The following EPB41 variants were observed in gnomAD, a reference collection of about 807,000 sequenced individuals.
EPB41 encodes the protein protein 4.1.
A neutral mutation model predicts 108.0 loss-of-function variants in EPB41; 65 were observed. The ratio of observed to expected loss-of-function variants is 0.60; its 90% confidence interval spans 0.49 to 0.74. The LOEUF (loss-of-function observed/expected upper bound fraction) is 0.74, where lower values mean the gene tolerates loss of function less well. Ranked by LOEUF, EPB41 falls within the 30% of genes least tolerant of loss-of-function variation. The pLI is 0.00. For missense variants in EPB41, 875 were observed against 1,037.0 expected (o/e 0.84, Z 2.15); for synonymous variants, 336 against 358.9 (o/e 0.94, Z 0.72).
chr1:28,917,246 CTCTGTG>C (rs1432125269), intron 1 of EPB41, among the ~76,000 whole-genome samples: 3 of 151,646 alleles, frequency 2.0e-5, no homozygotes, highest in Admixed American at 1.3e-4. Context: ...CCATCTCTCT[CTCTGTG>C]TGTGTGTGTG....
chr1:28,922,193 C>T (rs2093146985), intron 1 of EPB41, among the ~76,000 whole-genome samples: 1 of 151,640 alleles, frequency 6.6e-6, no homozygotes, highest in African/African-American at 2.4e-5. Context: ...TGGTTTCGAA[C>T]TCCTGACCTC....
intron 1 of EPB41, among the ~76,000 whole-genome samples, chr1:28,926,424 G>A (rs190881230): frequency 6.6e-6 from 1 of 152,248 alleles, no homozygotes; most frequent in East Asian, 1.9e-4. Flanking sequence ...GTATTAACCA[G>A]GCCAAAAGTT....
chr1:28,991,095 A>G (rs2149576099), intron 2 of EPB41, among the ~76,000 whole-genome samples: 2 of 151,786 alleles, frequency 1.3e-5, no homozygotes, highest in Non-Finnish European at 2.9e-5. Context: ...TTGCCTAACC[A>G]TGTTTCTGTA....
At chr1:29,108,849 G>T (rs1424402128) in intron 17 of EPB41, among the ~76,000 whole-genome samples, 1 of 147,676 alleles carries the variant, frequency 6.8e-6, no homozygotes, top group Admixed American at 6.8e-5. Context: ...GAGCCACCGA[G>T]CATGGCCCAA....
chr1:28,982,966 G>T (rs1236969759), intron 1 of EPB41, among the ~76,000 whole-genome samples: 1 of 151,620 alleles, frequency 6.6e-6, no homozygotes, highest in Non-Finnish European at 1.5e-5. Context: ...TTGGGATTTT[G>T]GTCTTTTGGG....
intron 16 of EPB41, among the ~76,000 whole-genome samples, chr1:29,088,175 T>C (rs146571619): frequency 2.5e-4 from 38 of 151,762 alleles, no homozygotes; most frequent in Non-Finnish European, 4.9e-4. Context: ...GCCTCTTGAG[T>C]AGCTGGGATT....
intron 4 of EPB41, among the ~76,000 whole-genome samples, chr1:29,000,162 G>A (rs1314678543): frequency 3.3e-5 from 5 of 151,588 alleles, no homozygotes. Flanking sequence ...GCAATGGTGT[G>A]ATCTCTGCTC....
rs560930623 is a variant in EPB41 at position 29,062,375 on chromosome 1, A to G, written c.2007+1891A>G. On this transcript the variant is annotated intron_variant, in intron 15 of 20. Transcript: ENST00000343067. ...GTGTGTTATGGCTTCTGAGACTCAC[A>G]AAGTCCCTGTGTGTGATGTGTTTTT... Among the ~76,000 whole-genome samples, 23 of 152,350 alleles carry G rather than the reference A, an allele frequency of 1.5e-4. 1 individual carries two copies. The South Asian group carries it at 4.1e-3, about 27-fold the overall frequency.
chr1:28,926,164 G>A (rs1398438366), intron 1 of EPB41, among the ~76,000 whole-genome samples: 1 of 145,424 alleles, frequency 6.9e-6, no homozygotes, highest in Non-Finnish European at 1.5e-5. Context: ...GGCCAAACAT[G>A]GTGAAATCCC....
intron 6 of EPB41, among the ~76,000 whole-genome samples, chr1:29,017,929 C>G (rs1203087163): frequency 1.3e-5 from 2 of 152,076 alleles, no homozygotes; most frequent in Admixed American, 6.6e-5. Flanking sequence ...TTCCTTTAGA[C>G]TTTTCCAACC....
chr1:29,088,336 T>A (rs1660006188), intron 16 of EPB41, among the ~76,000 whole-genome samples: 1 of 152,152 alleles, frequency 6.6e-6, no homozygotes, highest in Non-Finnish European at 1.5e-5. Context: ...TGTGAGCCCC[T>A]GCACCCGGCC....
chr1:29,038,790 A>T (rs890956964), intron 10 of EPB41, among the ~76,000 whole-genome samples: 1 of 152,230 alleles, frequency 6.6e-6, no homozygotes. Flanking sequence ...TAACCTGTTA[A>T]ATAGATTACC....
chr1:29,060,279 C>T, intron 14 of EPB41, 143 bp from the exon 15 acceptor site: 3 of 649,844 alleles, frequency 4.6e-6, no homozygotes, highest in South Asian at 1.8e-5. Flanking sequence ...GTGTGACTCT[C>T]TGACCATTTC....
chr1:28,960,482 C>T (rs1019332291), intron 1 of EPB41, among the ~76,000 whole-genome samples: 4 of 144,614 alleles, frequency 2.8e-5, no homozygotes, highest in African/African-American at 1.0e-4. Context: ...AATCCCAGCA[C>T]TTTGGGAGGC....
At chr1:29,069,542 TTTTA>T (rs1257388226) in intron 16 of EPB41, 2 of 887,104 alleles carry the variant, frequency 2.3e-6, no homozygotes, top group Non-Finnish European at 2.8e-6. Flanking sequence ...GATTAAGATT[TTTTA>T]TTTCTGGAGC....
intron 7 of EPB41, among the ~76,000 whole-genome samples, chr1:29,025,323 A>C (rs1350551057): frequency 6.6e-6 from 1 of 152,016 alleles, no homozygotes; most frequent in East Asian, 1.9e-4. Flanking sequence ...TCCTGATTGC[A>C]CTTGCTTGAA....
At chr1:29,075,472 T>G (rs956766922) in intron 16 of EPB41, among the ~76,000 whole-genome samples, 1 of 151,944 alleles carries the variant, frequency 6.6e-6, no homozygotes, top group African/African-American at 2.4e-5. Flanking sequence ...AGCAAGACTC[T>G]GTCTCAAAAA....
intron 1 of EPB41, among the ~76,000 whole-genome samples, chr1:28,964,630 A>T (rs61224318): frequency 0.35 from 51,724 of 148,468 alleles, 10,687 homozygotes; most frequent in East Asian, 0.82. Context: ...AATAAATAAA[A>T]TAAATAAATA....
intron 17 of EPB41, among the ~76,000 whole-genome samples, chr1:29,099,952 A>T (rs541751): frequency 0.11 from 17,146 of 152,230 alleles, 1,224 homozygotes; most frequent in African/African-American, 0.21. Context: ...AGAGTTAGAC[A>T]ATATGGGATT....
Sources: allele counts gnomAD v4.1 joint callset (sites outside exome capture counted in the v4.1 genomes callset), GRCh38; gene constraint gnomAD v4.1.1; transcripts MANE v1.5; gene names NCBI Gene and HGNC (gene_info 2026-07-23, HGNC 2026-07-21).